CLSTN2: variants seen among roughly 807,000 people sequenced by gnomAD.
CLSTN2 encodes the protein calsyntenin 2, also known as calsyntenin-2.
Under a neutral mutation model 101.2 loss-of-function variants are expected in CLSTN2, and 48 were observed. The ratio of observed to expected loss-of-function variants is 0.47; its 90% CI spans 0.38 to 0.60. The LOEUF (loss-of-function observed/expected upper bound fraction) is 0.60, where lower values mean the gene tolerates loss of function less well. Among genes scored for constraint, CLSTN2 ranks in the 20% least tolerant of loss-of-function variants. The pLI is 0.00. For synonymous variants in CLSTN2, 481 were observed against 463.6 expected (o/e 1.04, Z -0.48); for missense variants, 1,160 against 1,238.2 (o/e 0.94, Z 0.95).
At chr3:140,306,848 T>TTTTATTATTA (rs767586358) in intron 2 of CLSTN2, among the ~76,000 whole-genome samples, 1 of 141,968 alleles carries the variant, frequency 7.0e-6, no homozygotes, top group Non-Finnish European at 1.5e-5. Context: ...TTTTTGTCTT[T>TTTTATTATTA]TTATTATTAT....
At chr3:140,285,366 G>A (rs1576499124) in intron 2 of CLSTN2, among the ~76,000 whole-genome samples, 1 of 152,252 alleles carries the variant, frequency 6.6e-6, no homozygotes, top group South Asian at 2.1e-4. Flanking sequence ...TCTACTGGCA[G>A]CAGCTCCTGT....
At chr3:140,485,171 A>G (rs56105647) in intron 8 of CLSTN2, among the ~76,000 whole-genome samples, 38,865 of 152,160 alleles carry the variant, frequency 0.26, 6,409 homozygotes, top group Non-Finnish European at 0.37. Flanking sequence ...TTTTCCTTCT[A>G]ACAGTGAGGA....
chr3:139,948,481 GAAA>G (rs539346568), intron 1 of CLSTN2, among the ~76,000 whole-genome samples: 1 of 150,992 alleles, frequency 6.6e-6, no homozygotes, highest in African/African-American at 2.4e-5. Context: ...AAAAAGCAAA[GAAA>G]AAAAAATTGT....
At chr3:140,020,959 T>G (rs2007301998) in intron 1 of CLSTN2, among the ~76,000 whole-genome samples, 1 of 152,170 alleles carries the variant, frequency 6.6e-6, no homozygotes, top group South Asian at 2.1e-4. Flanking sequence ...CGTAAAAATG[T>G]AAACTATAAA....
intron 8 of CLSTN2, among the ~76,000 whole-genome samples, chr3:140,518,063 T>C: frequency 6.6e-6 from 1 of 152,022 alleles, no homozygotes; most frequent in South Asian, 2.1e-4. Flanking sequence ...GTCACGCAGG[T>C]CACCAGAGAA....
At chr3:140,229,912 C>T (rs2086355908) in intron 2 of CLSTN2, among the ~76,000 whole-genome samples, 1 of 152,102 alleles carries the variant, frequency 6.6e-6, no homozygotes, top group South Asian at 2.1e-4. Flanking sequence ...TCCTGATCGT[C>T]CCTCTGAGCA....
chr3:140,272,066 C>T (rs1024008793), intron 2 of CLSTN2, among the ~76,000 whole-genome samples: 2 of 152,146 alleles, frequency 1.3e-5, no homozygotes, highest in African/African-American at 4.8e-5. Context: ...TTCTGCCATT[C>T]TGGAATTGGT....
At chr3:140,333,901 T>A (rs912456612) in intron 2 of CLSTN2, among the ~76,000 whole-genome samples, 5 of 152,306 alleles carry the variant, frequency 3.3e-5, no homozygotes, top group African/African-American at 1.2e-4. Flanking sequence ...TTGATACTTT[T>A]ATGAGCAGAT....
chr3:140,359,022 G>T (rs1343137551), intron 2 of CLSTN2, among the ~76,000 whole-genome samples: 1 of 151,976 alleles, frequency 6.6e-6, no homozygotes, highest in Non-Finnish European at 1.5e-5. Flanking sequence ...CAAGAGCAAA[G>T]ATCCTGTCGT....
chr3:140,565,046 T>C (rs1002720941), intron 16 of CLSTN2, among the ~76,000 whole-genome samples: 1 of 152,224 alleles, frequency 6.6e-6, no homozygotes, highest in South Asian at 2.1e-4. Context: ...GGTAAAATGC[T>C]GAGCTCAGTG....
intron 1 of CLSTN2, among the ~76,000 whole-genome samples, chr3:139,987,791 GT>G (rs2107826728): frequency 1.3e-5 from 2 of 152,288 alleles, no homozygotes; most frequent in African/African-American, 4.8e-5. Context: ...CACCCAGAGG[GT>G]GATAGATTAG....
rs1271004386 is a variant in CLSTN2 at position 140,482,620 on chromosome 3, G to A, written c.1344+15889G>A. 2.6e-5 allele frequency among the ~76,000 whole-genome samples: 4 copies of A among 152,078 alleles called. No homozygotes were observed. In the East Asian group the frequency reaches 7.7e-4, roughly 29 times the overall value. On this transcript the variant is annotated intron_variant, in intron 8 of 16. Coordinates refer to ENST00000458420, the MANE Select transcript of CLSTN2 (RefSeq NM_022131.3). The stretch of plus-strand genomic sequence containing the variant: ...TATTAATAATTGCCTCAATTTCAGA[G>A]CCTGTTATTGGTCTATTCAGAGATT...
intron 1 of CLSTN2, among the ~76,000 whole-genome samples, chr3:139,959,561 C>T (rs11713184): frequency 0.036 from 5,503 of 152,194 alleles, 142 homozygotes; most frequent in East Asian, 0.077. Flanking sequence ...TAGTATTTGA[C>T]AGTGACGCTA....
In CLSTN2 at chr3:140,161,843, C is replaced by T. The variant is rs1409408401; in HGVS notation, c.110-14108C>T. On this transcript the variant is annotated intron_variant, in intron 1 of 16. Coordinates refer to ENST00000458420, the MANE Select transcript of CLSTN2 (RefSeq NM_022131.3). Reference sequence around the variant, plus strand: ...GTTAGCATTCTTAAATGTTAACAAACCCAAAGAGCTTTCGTTTTGTAGGTT... The same window carrying T: ...GTTAGCATTCTTAAATGTTAACAAATCCAAAGAGCTTTCGTTTTGTAGGTT... Among the ~76,000 whole-genome samples the T allele has an allele frequency of 2.6e-5, 4 of 152,122 alleles. No individual in the cohort carries two copies. In the South Asian group the frequency reaches 6.2e-4, roughly 24 times the overall value.
Position 140,466,695 on chromosome 3 carries a change from C to G in CLSTN2, c.1308C>G (p.Thr436=). The G allele has an allele frequency of 1.2e-6, 2 of 1,614,152 alleles. No homozygotes were observed. The highest frequency in any genetic ancestry group is 1.7e-6 in the Non-Finnish European group (2 of 1,180,010). ...LLRKDFDQAD[T]FRPAEFHWKL... is the part of the protein sequence containing the mutation. ...GGAAGGACTTCGACCAGGCTGACACCTTTCGCCCCGCGGAGTTCCACTGGA... is the reference window on the plus strand; with the variant it reads ...GGAAGGACTTCGACCAGGCTGACACGTTTCGCCCCGCGGAGTTCCACTGGA... Residue 436 remains threonine (T), a synonymous_variant, in exon 8 of 17, where the codon ACC becomes ACG. Transcript: ENST00000458420.
At chr3:140,240,959 A>C (rs1025318463) in intron 2 of CLSTN2, among the ~76,000 whole-genome samples, 1 of 152,152 alleles carries the variant, frequency 6.6e-6, no homozygotes, top group Admixed American at 6.5e-5. Context: ...TGTATCGACC[A>C]TCATGAGGTT....
At chr3:140,472,415 G>A (rs1482747468) in intron 8 of CLSTN2, among the ~76,000 whole-genome samples, 1 of 152,174 alleles carries the variant, frequency 6.6e-6, no homozygotes, top group Non-Finnish European at 1.5e-5. Flanking sequence ...CGGTTTCACA[G>A]GGAGTCAAAT....
Position 139,963,985 on chromosome 3 carries a change from A to G in CLSTN2, c.109+28502A>G, listed in dbSNP as rs1387954103. ...GGCAGCTCCAGGAGCTGTCTCCCCC[A>G]CTCTCTCTATTAACTTCACCTTAGG... On this transcript the variant is annotated intron_variant, in intron 1 of 16. Transcript: ENST00000458420. 3.3e-5 allele frequency among the ~76,000 whole-genome samples: 5 copies of G among 151,432 alleles called. No homozygotes were observed. In the East Asian group the frequency reaches 9.7e-4, roughly 29 times the overall value.
chr3:140,164,121 G>T (rs1207126953), intron 1 of CLSTN2, among the ~76,000 whole-genome samples: 1 of 152,160 alleles, frequency 6.6e-6, no homozygotes, highest in Non-Finnish European at 1.5e-5. Flanking sequence ...ACTCTAGCAA[G>T]TGAATGTGAG....
Sources: allele counts gnomAD v4.1 joint callset (sites outside exome capture counted in the v4.1 genomes callset), GRCh38; gene constraint gnomAD v4.1.1; transcripts MANE v1.5; gene names NCBI Gene and HGNC (gene_info 2026-07-23, HGNC 2026-07-21).